Variants in EML5 observed in about 807,000 individuals in gnomAD.
EML5 encodes the protein echinoderm microtubule-associated protein-like 5.
EML5 carries 120 observed loss-of-function variants against 250.0 expected under a neutral mutation model. The observed-to-expected ratio is 0.48, with a 90% CI of 0.41 to 0.56. EML5 has a LOEUF of 0.56. EML5 is among the 20% of genes least tolerant of loss of function. The pLI is 0.00. For synonymous variants in EML5, 771 were observed against 806.5 expected (o/e 0.96, Z 0.75); for missense variants, 2,006 against 2,437.6 (o/e 0.82, Z 3.73).
Position 88,614,534 on chromosome 14 carries a change from T to C in EML5, c.*1284A>G, listed in dbSNP as rs1164331982. The C allele has an allele frequency of 2.0e-5, 3 of 152,226 alleles. No individual in the cohort carries two copies. Among genetic ancestry groups the C allele is most frequent in the African/African-American group, 7.2e-5 (3 of 41,460 alleles). The allele number at this position is 152,226 out of a possible 1,614,324, so 9.4% of individuals were successfully genotyped here. A position where few individuals can be genotyped will look rare whatever the true frequency, so the allele number is the denominator to read the frequency against. Reference sequence around the variant, plus strand: ...ATGGGATTCCAGGAACCTAAAGCGATCTATTATGCTATAAAGATAATTAAC... The same window carrying C: ...ATGGGATTCCAGGAACCTAAAGCGACCTATTATGCTATAAAGATAATTAAC... On this transcript the variant is annotated 3_prime_UTR_variant, in exon 44 of 44. Coordinates refer to ENST00000554922, the MANE Select transcript of EML5 (RefSeq NM_183387.3).
In EML5 at chr14:88,736,418, G is replaced by C; in HGVS notation, c.995C>G (p.Ala332Gly). Residue 332 changes from alanine to glycine, a missense_variant, in exon 7 of 44, where the codon GCT becomes GGT. Ala to Gly is a moderately conservative substitution (Grantham distance 60). Around this residue, in one of 7 missense-constraint regions of EML5, gnomAD observed 1,375 missense variants for 1,590.3 expected, o/e 0.86. Coordinates refer to ENST00000554922, the MANE Select transcript of EML5 (RefSeq NM_183387.3). ...AGCCAAAGGTTTAGTAGGATGGACA[G>C]CAAGTGCCCAAAGTTCACCTTCACA... is the stretch of plus-strand genomic sequence containing the variant. ...GHCEGELWAL[A>G]VHPTKPLAVT... The C allele has an allele frequency of 6.2e-7, 1 of 1,614,010 alleles. No individual in the cohort carries two copies. Among genetic ancestry groups the C allele is most frequent in the Non-Finnish European group, 8.5e-7 (1 of 1,179,900 alleles).
At chr14:88,728,397 C>T (rs1256558427) in intron 7 of EML5, among the ~76,000 whole-genome samples, 3 of 152,126 alleles carry the variant, frequency 2.0e-5, no homozygotes, top group African/African-American at 7.2e-5. Flanking sequence ...AACTTAACTA[C>T]TAGTAGCCTA....
At chr14:88,649,746 T>C (rs751198977) in intron 28 of EML5, among the ~76,000 whole-genome samples, 166 bp downstream of exon 28, 4 of 152,194 alleles carry the variant, frequency 2.6e-5, no homozygotes, top group East Asian at 1.9e-4. Flanking sequence ...ATATATGCTA[T>C]CTAAAAATGC....
In EML5 at chr14:88,616,753, T is replaced by C. The variant is rs1364795233; in HGVS notation, c.5769A>G (p.Leu1923=). The C allele has an allele frequency of 6.2e-7, 1 of 1,613,494 alleles. No homozygotes were observed. The highest frequency in any genetic ancestry group is 8.5e-7 in the Non-Finnish European group (1 of 1,179,712). Reference sequence around the variant, plus strand: ...ATTTTTCTGGACATGGGAAGTCAAATAACTTAACCATGCCAAAGTCATCTC... The same window carrying C: ...ATTTTTCTGGACATGGGAAGTCAAACAACTTAACCATGCCAAAGTCATCTC... ...VTGDDFGMVK[L]FDFPCPEKFA... Residue 1923 remains leucine (L), a synonymous_variant, in exon 42 of 44, where the codon TTA becomes TTG. Transcript: ENST00000554922.
intron 7 of EML5, among the ~76,000 whole-genome samples, chr14:88,728,691 G>A (rs2093705485): frequency 6.6e-6 from 1 of 152,126 alleles, no homozygotes; most frequent in South Asian, 2.1e-4. Context: ...CCACCTATAA[G>A]TGGACCCATG....
intron 1 of EML5, among the ~76,000 whole-genome samples, chr14:88,773,983 G>T (rs1202870557): frequency 6.6e-6 from 1 of 152,136 alleles, no homozygotes; most frequent in East Asian, 1.9e-4. Context: ...GCTTGGTGTG[G>T]TGGCAGGTGC....
intron 1 of EML5, among the ~76,000 whole-genome samples, chr14:88,782,601 G>C (rs1300620942): frequency 1.3e-5 from 2 of 152,140 alleles, no homozygotes; most frequent in Non-Finnish European, 2.9e-5. Context: ...ACAGCCTAGA[G>C]ACTTGGTGCC....
chr14:88,728,035 T>C (rs924240862), intron 7 of EML5, among the ~76,000 whole-genome samples: 35 of 152,196 alleles, frequency 2.3e-4, no homozygotes, highest in Admixed American at 8.5e-4. Context: ...TCAAAACTTG[T>C]GAAATATAGC....
At chr14:88,688,937 G>T (rs1372243253) in intron 17 of EML5, among the ~76,000 whole-genome samples, 1 of 152,022 alleles carries the variant, frequency 6.6e-6, no homozygotes, top group African/African-American at 2.4e-5. Flanking sequence ...ATAAATATTT[G>T]TGAATTTTTA....
At chr14:88,709,834 GA>G (rs1452581842) in intron 10 of EML5, among the ~76,000 whole-genome samples, 2 of 152,000 alleles carry the variant, frequency 1.3e-5, no homozygotes, top group Non-Finnish European at 2.9e-5. Flanking sequence ...TTGCAGCAGT[GA>G]AAAAAAGGCA....
At chr14:88,671,775 T>C (rs1323603374) in intron 21 of EML5, among the ~76,000 whole-genome samples, 1 of 152,110 alleles carries the variant, frequency 6.6e-6, no homozygotes, top group African/African-American at 2.4e-5. Flanking sequence ...AAACAGATTT[T>C]AAACCAAAAA....
intron 21 of EML5, among the ~76,000 whole-genome samples, chr14:88,679,514 A>G (rs971280275): frequency 1.3e-4 from 19 of 151,986 alleles, no homozygotes; most frequent in Non-Finnish European, 2.8e-4. Context: ...CAACATGGTG[A>G]AACTCCATCT....
At chr14:88,693,199 T>C (rs530147946) in intron 17 of EML5, among the ~76,000 whole-genome samples, 2 of 152,338 alleles carry the variant, frequency 1.3e-5, no homozygotes, top group East Asian at 1.9e-4. Context: ...ATCTCATATA[T>C]TGAATTCTTT....
At chr14:88,728,497 A>C (rs2093701902) in intron 7 of EML5, among the ~76,000 whole-genome samples, 1 of 152,190 alleles carries the variant, frequency 6.6e-6, no homozygotes, top group Non-Finnish European at 1.5e-5. Flanking sequence ...ACCTACAATA[A>C]AGTAAGCTAG....
Position 88,665,332 on chromosome 14 carries a change from C to T in EML5, c.3277+5G>A. On this transcript the variant is annotated splice_donor_5th_base_variant and intron_variant, in intron 22 of 43. Coordinates refer to ENST00000554922, the MANE Select transcript of EML5 (RefSeq NM_183387.3). Reference sequence around the variant, plus strand: ...ATACTCAAATACAATTTCAATGGATCTTACCAGGTGAAAATCGAATATCTG... The same window carrying T: ...ATACTCAAATACAATTTCAATGGATTTTACCAGGTGAAAATCGAATATCTG... The T allele has an allele frequency of 6.2e-7, 1 of 1,607,782 alleles. No homozygotes were observed. Among genetic ancestry groups the T allele is most frequent in the South Asian group, 1.1e-5 (1 of 90,014 alleles).
At position 88,625,089 on chromosome 14, in the gene EML5, G is replaced by C. The variant is rs753829051; in HGVS notation, c.4779C>G (p.Val1593=). 3.7e-6 allele frequency: 6 copies of C among 1,613,938 alleles called. No homozygotes were observed. The African/African-American group carries it at 4.0e-5, about 11-fold the overall frequency. The change falls in exon 36 of 44, where the codon GTC becomes GTG. Residue 1593 remains valine (V), a synonymous_variant. Transcript: ENST00000554922. ...ACAATATGTGATCTTTCCACACACAGACATCACCACTGATGGTACCTGTAA... is the reference window on the plus strand; with the variant it reads ...ACAATATGTGATCTTTCCACACACACACATCACCACTGATGGTACCTGTAA... ...LTFTGTISGD[V]CVWKDHILCR...
chr14:88,688,285 G>A lies in EML5; in HGVS notation c.2728C>T (p.His910Tyr). Reference protein sequence around the residue: ...KAHDGPVFSMHALEKGFVTGG... With the variant: ...KAHDGPVFSMYALEKGFVTGG... ...AGGTTACTTACTTTTTCCAATGCAT[G>A]CATACTGAACACTGGCCCATCATGC... Residue 910 changes from histidine (H) to tyrosine (Y), a missense_variant, in exon 18 of 44, where the codon CAT becomes TAT. His to Tyr is a moderately conservative substitution (Grantham distance 83). Transcript: ENST00000554922. 1 of 1,613,820 alleles carries A rather than the reference G, an allele frequency of 6.2e-7. No homozygotes were observed. The highest frequency in any genetic ancestry group is 8.5e-7 in the Non-Finnish European group (1 of 1,179,872).
intron 8 of EML5, among the ~76,000 whole-genome samples, chr14:88,715,549 T>C (rs1284235623): frequency 1.3e-5 from 2 of 152,222 alleles, no homozygotes; most frequent in African/African-American, 4.8e-5. Context: ...GAAAAATGTT[T>C]AATTTAAACA....
chr14:88,689,384 C>T (rs925213051), intron 17 of EML5, among the ~76,000 whole-genome samples: 5 of 152,328 alleles, frequency 3.3e-5, no homozygotes, highest in African/African-American at 1.2e-4. Flanking sequence ...CCTTTGGGAA[C>T]AGTTTGTGTT....
Sources: gnomAD v4.1 joint callset for allele counts (sites outside exome capture counted in the v4.1 genomes callset) on GRCh38, gnomAD v4.1.1 for gene constraint, gnomAD v4.1.1 regional missense constraint, MANE v1.5 for transcripts, NCBI Gene and HGNC (gene_info 2026-07-23, HGNC 2026-07-21) for gene names.